DYRK4: variants seen among roughly 807,000 people sequenced by gnomAD.
DYRK4 encodes dual specificity tyrosine-phosphorylation-regulated kinase 4.
Under a neutral mutation model 68.3 loss-of-function variants are expected in DYRK4, and 64 were observed. That is an observed-to-expected ratio of 0.94 (90% CI 0.77 to 1.15). The LOEUF (loss-of-function observed/expected upper bound fraction) is 1.15. Ranked by LOEUF, DYRK4 falls within the 50% of genes most tolerant of loss-of-function variation. DYRK4 has a pLI of 0.00. For synonymous variants in DYRK4, 274 were observed against 289.9 expected, an observed-to-expected ratio of 0.95 and a Z score of 0.56; for missense variants, 740 against 764.7, an observed-to-expected ratio of 0.97 and a Z score of 0.38.
Position 4,613,409 on chromosome 12 carries a change from T to A in DYRK4, c.1667-106T>A. On this transcript the variant is annotated intron_variant, in intron 14 of 14. Coordinates refer to ENST00000543431, the MANE Select transcript of DYRK4 (RefSeq NM_001394779.1). The surrounding 1 kb of genome is among the most constrained non-coding windows in gnomAD (Gnocchi z 4.0). ...GCTTTACAAATGAACTGTTTTTATA[T>A]CATCACGGTCATCGTTTCCACTAAG... 1 of 1,397,930 alleles carries A rather than the reference T, an allele frequency of 7.2e-7. No individual in the cohort carries two copies. Among genetic ancestry groups the A allele is most frequent in the Non-Finnish European group, 9.7e-7 (1 of 1,031,316 alleles). 86.6% of individuals were successfully genotyped at this position (1,397,930 alleles called of 1,614,324 possible).
chr12:4,612,524 G>A lies in DYRK4; in HGVS notation c.1491-19G>A, dbSNP rs372496599. ...AGGAAATAAAACAATAACCCATGTG[G>A]GGCTTTGTTGGGGTGCAGATGGGAA... On this transcript the variant is annotated intron_variant, in intron 13 of 14. Transcript: ENST00000543431. 197 of 1,606,520 alleles carry A rather than the reference G, an allele frequency of 1.2e-4. No homozygotes were observed. The African/African-American group carries it at 2.1e-3, about 17-fold the overall frequency.
intron 2 of DYRK4, among the ~76,000 whole-genome samples, chr12:4,572,547 G>C (rs183891698): frequency 6.6e-6 from 1 of 152,248 alleles, no homozygotes; most frequent in African/African-American, 2.4e-5. Context: ...CATCCGCCTT[G>C]GCCTCCCAAA....
At chr12:4,583,919 C>T (rs546552304) in intron 2 of DYRK4, among the ~76,000 whole-genome samples, 10 of 152,264 alleles carry the variant, frequency 6.6e-5, no homozygotes, top group African/African-American at 1.4e-4. Flanking sequence ...GACACTGACA[C>T]GCAGGGCAGG....
intron 2 of DYRK4, among the ~76,000 whole-genome samples, chr12:4,579,580 G>A (rs938006572): frequency 2.0e-5 from 3 of 152,162 alleles, no homozygotes; most frequent in African/African-American, 4.8e-5. Flanking sequence ...GTGGACTGGA[G>A]GGAGGGCATT....
chr12:4,589,003 C>T lies in DYRK4; in HGVS notation c.199C>T (p.Gln67Ter), dbSNP rs1944925598. The change falls in exon 3 of 15, where the codon CAA becomes TAA. Residue 67 changes from glutamine to a stop codon, truncating the protein, a stop_gained. Transcript: ENST00000543431. LOFTEE classifies it high-confidence loss of function. Reference sequence around the variant, plus strand: ...CAATATCAAGAACTCCAGAATGACCCAAGTCTTTCATAAGGTAGGGAGTGA... The same window carrying T: ...CAATATCAAGAACTCCAGAATGACCTAAGTCTTTCATAAGGTAGGGAGTGA... ...PSNIKNSRMT[Q>*]VFHKNTSVTS... is the part of the protein sequence containing the mutation. The T allele has an allele frequency of 6.5e-7, 1 of 1,535,986 alleles. No individual in the cohort carries two copies. The highest frequency in any genetic ancestry group is 8.7e-7 in the Non-Finnish European group (1 of 1,146,868).
intron 2 of DYRK4, chr12:4,573,291 G>A (rs1340967123): frequency 7.8e-7 from 1 of 1,288,904 alleles, no homozygotes. Context: ...TTGGGGTCCT[G>A]AAGGAGAGTT....
In DYRK4 at chr12:4,562,240, G is replaced by A; in HGVS notation, c.-6G>A. 3 of 1,529,364 alleles carry A rather than the reference G, an allele frequency of 2.0e-6. No individual in the cohort carries two copies. Among genetic ancestry groups the A allele is most frequent in the African/African-American group, 1.4e-5 (1 of 72,738 alleles). The allele number at this position is 1,529,364 out of a possible 1,614,324, so 94.7% of individuals were successfully genotyped here. A position where few individuals can be genotyped will look rare whatever the true frequency, so the allele number is the denominator to read the frequency against. On this transcript the variant is annotated 5_prime_UTR_variant, in exon 1 of 15. Coordinates refer to ENST00000543431, the MANE Select transcript of DYRK4 (RefSeq NM_001394779.1). ...CCCGCAGCGGCGGGCGGTCAGCGCC[G>A]GCCTCATGCAGCTCCTCCCGCCGCC...
chr12:4,609,967 T>A, intron 12 of DYRK4, 188 bp from the exon 13 acceptor site: 1 of 403,914 alleles, frequency 2.5e-6, no homozygotes, highest in Non-Finnish European at 4.3e-6. Context: ...GTAAATTGCA[T>A]TCCTTGGGTA....
chr12:4,576,422 C>T (rs1944790298), intron 2 of DYRK4, among the ~76,000 whole-genome samples: 1 of 152,182 alleles, frequency 6.6e-6, no homozygotes, highest in Admixed American at 6.5e-5. Flanking sequence ...GACTGAAGGA[C>T]AATTTGGTTG....
At chr12:4,573,395 C>A in intron 2 of DYRK4, 2 of 1,288,022 alleles carry the variant, frequency 1.6e-6, no homozygotes, top group Non-Finnish European at 2.0e-6. Context: ...TTCATTGGTG[C>A]TTTAATTTCC....
chr12:4,563,166 A>G (rs2137311275), intron 1 of DYRK4: 1 of 456,042 alleles, frequency 2.2e-6, no homozygotes, highest in African/African-American at 2.0e-5. Context: ...TTGATCACCT[A>G]CATGTGGTCG....
At chr12:4,612,383 A>T in intron 13 of DYRK4, 160 bp from the exon 14 acceptor site, 1 of 677,588 alleles carries the variant, frequency 1.5e-6, no homozygotes, top group East Asian at 2.9e-5. Flanking sequence ...AGTTGTTTCC[A>T]GGTACTTTTA....
chr12:4,605,476 C>T (rs193070921), intron 11 of DYRK4, among the ~76,000 whole-genome samples: 55 of 152,054 alleles, frequency 3.6e-4, no homozygotes, highest in Non-Finnish European at 7.2e-4. Flanking sequence ...GTTCTTTTTT[C>T]CCTTTTGTTT....
rs776698775 is a variant in DYRK4 at position 4,588,981 on chromosome 12, T to A, written c.177T>A (p.Asn59Lys). Residue 59 changes from asparagine to lysine, a missense_variant, in exon 3 of 15, where the codon AAT (asparagine) becomes AAA (lysine). Transcript: ENST00000543431. ...LSVQIQKPPS[N>K]IKNSRMTQVF... ...TTCAGATCCAGAAGCCACCTTCCAA[T>A]ATCAAGAACTCCAGAATGACCCAAG... is the stretch of plus-strand genomic sequence containing the variant. 2 of 1,535,970 alleles carry A rather than the reference T, an allele frequency of 1.3e-6. No homozygotes were observed. The highest frequency in any genetic ancestry group is 1.4e-5 in the African/African-American group (1 of 73,038).
intron 6 of DYRK4, among the ~76,000 whole-genome samples, chr12:4,595,235 TA>T (rs1945003892): frequency 6.6e-6 from 1 of 152,220 alleles, no homozygotes; most frequent in South Asian, 2.1e-4. Flanking sequence ...ATTCCTCCTG[TA>T]TGAACAGACC....
At chr12:4,563,242 C>G (rs1369581197) in intron 1 of DYRK4, 1 of 422,894 alleles carries the variant, frequency 2.4e-6, no homozygotes, top group African/African-American at 2.0e-5. Flanking sequence ...GTTTCTGTTA[C>G]TTAAATCTGT....
intron 2 of DYRK4, among the ~76,000 whole-genome samples, chr12:4,577,536 C>A (rs964006369): frequency 2.0e-5 from 3 of 152,178 alleles, no homozygotes; most frequent in Non-Finnish European, 4.4e-5. Flanking sequence ...ATCGCTGTAG[C>A]TTTATAGTAA....
intron 2 of DYRK4, among the ~76,000 whole-genome samples, chr12:4,572,288 TTTTG>T (rs1565532281): frequency 1.3e-5 from 2 of 152,144 alleles, no homozygotes; most frequent in Admixed American, 6.5e-5. Context: ...ATGGACTTTT[TTTTG>T]TTTGTTTGTG....
intron 6 of DYRK4, among the ~76,000 whole-genome samples, chr12:4,595,894 G>A (rs559697928): frequency 1.3e-5 from 2 of 152,294 alleles, no homozygotes; most frequent in Non-Finnish European, 2.9e-5. Flanking sequence ...ACCATCCAAT[G>A]TCCTTTGTGC....
Sources: allele counts gnomAD v4.1 joint callset (sites outside exome capture counted in the v4.1 genomes callset), GRCh38; gene constraint gnomAD v4.1.1; non-coding constraint Gnocchi (gnomAD v3.1); transcripts MANE v1.5; gene names NCBI Gene and HGNC (gene_info 2026-07-23, HGNC 2026-07-21).